The following GRTP1 variants were observed in gnomAD, a reference collection of about 807,000 sequenced individuals.
GRTP1 encodes growth hormone-regulated TBC protein 1.
In GRTP1, 56 loss-of-function variants were observed where a neutral mutation model predicts 38.1. The observed-to-expected ratio is 1.47, with a 90% confidence interval of 1.19 to 1.84. GRTP1 has a LOEUF of 1.84. Ranked by LOEUF, GRTP1 falls within the 40% of genes most tolerant of loss-of-function variation. The pLI is 0.00. For missense variants in GRTP1, 506 were observed against 453.9 expected (o/e 1.11, Z -1.04); for synonymous variants, 217 against 189.5 (o/e 1.14, Z -1.19).
chr13:113,346,049 AGC>A (rs1328354077), intron 4 of GRTP1, among the ~76,000 whole-genome samples: 9 of 82,122 alleles, frequency 1.1e-4, no homozygotes, highest in African/African-American at 3.2e-4. Flanking sequence ...TGTGGCCGAG[AGC>A]AGACCCGGGA....
At chr13:113,345,619 G>A (rs1326341924) in intron 4 of GRTP1, among the ~76,000 whole-genome samples, 2 of 152,216 alleles carry the variant, frequency 1.3e-5, no homozygotes, top group Non-Finnish European at 2.9e-5. Flanking sequence ...AGTAATAAGG[G>A]AAAAGAATCC....
At chr13:113,351,836 A>G (rs59416814) in intron 3 of GRTP1, 6,619 of 152,350 alleles carry the variant, frequency 0.043, 187 homozygotes, top group East Asian at 0.069. Flanking sequence ...GGTCACCAGC[A>G]GACAGCCGCT....
intron 2 of GRTP1, 24 bp downstream of exon 2, chr13:113,363,738 C>T: frequency 6.3e-7 from 1 of 1,597,968 alleles, no homozygotes; most frequent in Non-Finnish European, 8.5e-7. Context: ...GCCCTCGGGA[C>T]CCACCTGCGC....
chr13:113,354,103 CACAAA>C (rs934893424), intron 3 of GRTP1, among the ~76,000 whole-genome samples: 1 of 152,166 alleles, frequency 6.6e-6, no homozygotes. Context: ...TCCAAAAAAC[CACAAA>C]ACAGAGACTT....
At chr13:113,334,544 G>A (rs981831346) in intron 5 of GRTP1, among the ~76,000 whole-genome samples, 23 of 152,134 alleles carry the variant, frequency 1.5e-4, no homozygotes, top group Non-Finnish European at 3.1e-4. Flanking sequence ...CAATAAAGTT[G>A]TCCTAGGGTT....
chr13:113,338,280 G>C (rs1413704596), intron 5 of GRTP1, among the ~76,000 whole-genome samples: 2 of 152,198 alleles, frequency 1.3e-5, no homozygotes, highest in Non-Finnish European at 2.9e-5. Context: ...GGGTGTGGCA[G>C]GTGTTCTGGG....
chr13:113,352,326 T>TATATA (rs1491132131), intron 3 of GRTP1, among the ~76,000 whole-genome samples: 2 of 68,514 alleles, frequency 2.9e-5, no homozygotes, highest in African/African-American at 1.2e-4. Context: ...ATATATATTT[T>TATATA]TATATATATT....
chr13:113,349,966 A>G lies in GRTP1; in HGVS notation c.465+883T>C, dbSNP rs1366033927. Among the ~76,000 whole-genome samples the G allele has an allele frequency of 1.3e-5, 2 of 152,118 alleles. No individual in the cohort carries two copies. The highest frequency in any genetic ancestry group is 2.9e-5 in the Non-Finnish European group (2 of 68,016). ...CAACCCCTAGGAGCCCGTGAAGCACATGGCCTAAAATGCCAGGAACGCACT... is the reference window on the plus strand; with the variant it reads ...CAACCCCTAGGAGCCCGTGAAGCACGTGGCCTAAAATGCCAGGAACGCACT... On this transcript the variant is annotated intron_variant, in intron 4 of 7. Coordinates refer to ENST00000375431, the MANE Select transcript of GRTP1 (RefSeq NM_024719.4). This position sits in a 1 kb window ranked among gnomAD's most constrained non-coding sequence, Gnocchi z 5.0.
chr13:113,362,273 T>TAC (rs1281574133), intron 2 of GRTP1, among the ~76,000 whole-genome samples: 38 of 152,240 alleles, frequency 2.5e-4, no homozygotes, highest in African/African-American at 9.2e-4. Context: ...GAGGTTGCAG[T>TAC]CAGCTGAGAT....
At chr13:113,330,671 C>A (rs111947298) in intron 5 of GRTP1, among the ~76,000 whole-genome samples, 587 of 1,924 alleles carry the variant, frequency 0.31, 43 homozygotes, top group African/African-American at 0.41. Context: ...TGCATGGAAA[C>A]CCAGGTGTGT....
At chr13:113,357,486 T>TG (rs111692771) in intron 2 of GRTP1, among the ~76,000 whole-genome samples, 20,413 of 149,938 alleles carry the variant, frequency 0.14, 1,566 homozygotes, top group African/African-American at 0.18. Context: ...AAACCCTCTT[T>TG]CTGGTTTAGA....
Position 113,344,908 on chromosome 13 carries a change from C to T in GRTP1, c.517G>A (p.Glu173Lys). The T allele has an allele frequency of 3.1e-6, 5 of 1,603,960 alleles. No individual in the cohort carries two copies. The highest frequency in any genetic ancestry group is 2.2e-5 in the East Asian group (1 of 44,546). The change falls in exon 5 of 8, where the codon GAA becomes AAA. Residue 173 changes from glutamate (E) to lysine (K), a missense_variant. Physicochemically the swap from Glu to Lys is moderately conservative, Grantham distance 56 (BLOSUM62 1). Coordinates refer to ENST00000375431, the MANE Select transcript of GRTP1 (RefSeq NM_024719.4). ...YLILITNNEE[E>K]SFWLLDALVG... is the part of the protein sequence containing the mutation. ...AGAGCATCTAACAGCCAAAAAGATT[C>T]TTCTTCATTATTTGTTATAAGAATC...
intron 2 of GRTP1, among the ~76,000 whole-genome samples, chr13:113,356,395 G>A (rs902946929): frequency 6.6e-6 from 1 of 152,040 alleles, no homozygotes; most frequent in Admixed American, 6.6e-5. Context: ...AGCCTCCTGA[G>A]TAGCTGGGAT....
chr13:113,352,425 G>A (rs757496827), intron 3 of GRTP1, among the ~76,000 whole-genome samples: 32 of 124,188 alleles, frequency 2.6e-4, no homozygotes, highest in Non-Finnish European at 5.3e-4. Flanking sequence ...CCAGGCTGGA[G>A]TGCAGAGGTG....
At chr13:113,325,889 C>A (rs763418249) in intron 6 of GRTP1, 30 bp downstream of exon 6, 1 of 1,613,770 alleles carries the variant, frequency 6.2e-7, no homozygotes, top group African/African-American at 1.3e-5. Context: ...TGGCGGCCCG[C>A]CCGCCCCAGG....
At chr13:113,355,639 C>T in intron 2 of GRTP1, 158 bp from the exon 3 acceptor site, 1 of 843,148 alleles carries the variant, frequency 1.2e-6, no homozygotes, top group Non-Finnish European at 1.7e-6. Context: ...GGTACATATA[C>T]TCCTTTAAAA....
At position 113,325,686 on chromosome 13, in the gene GRTP1, A is replaced by G. The variant is rs759541391; in HGVS notation, c.896T>C (p.Val299Ala). 1.2e-6 allele frequency: 2 copies of G among 1,614,126 alleles called. No individual in the cohort carries two copies. The highest frequency in any genetic ancestry group is 1.7e-6 in the Non-Finnish European group (2 of 1,180,006). ...CTGCATAAACGTGTGACACTCCATC[A>G]CGAAACTCCCTTTGGTTATCTGCTT... Reference protein sequence around the residue: ...KFKQITKGSFVMECHTFMQKI... With the variant: ...KFKQITKGSFAMECHTFMQKI... The change falls in exon 7 of 8, where the codon GTG (valine) becomes GCG (alanine). Residue 299 changes from valine (V) to alanine (A), a missense_variant. Physicochemically the swap from Val to Ala is moderately conservative, Grantham distance 64. Transcript: ENST00000375431.
At chr13:113,332,422 C>T (rs922312898) in intron 5 of GRTP1, among the ~76,000 whole-genome samples, 16 of 151,992 alleles carry the variant, frequency 1.1e-4, no homozygotes, top group African/African-American at 3.9e-4. Context: ...TGCACACGCA[C>T]ACCACACAGG....
chr13:113,325,660 C>T lies in GRTP1; in HGVS notation c.921+1G>A, dbSNP rs1311959076. ...ACTGAGCCACGTGCAGCCCCACACA[C>T]CTGCATAAACGTGTGACACTCCATC... On this transcript the variant is annotated splice_donor_variant, in intron 7 of 7. Coordinates refer to ENST00000375431, the MANE Select transcript of GRTP1 (RefSeq NM_024719.4). LOFTEE classifies it high-confidence loss of function. 3.7e-6 allele frequency: 6 copies of T among 1,613,682 alleles called. No individual in the cohort carries two copies. Among genetic ancestry groups the T allele is most frequent in the Non-Finnish European group, 4.2e-6 (5 of 1,180,020 alleles).
Sources: gnomAD v4.1 joint callset for allele counts (sites outside exome capture counted in the v4.1 genomes callset) on GRCh38, gnomAD v4.1.1 for gene constraint, Gnocchi (gnomAD v3.1) non-coding constraint, MANE v1.5 for transcripts, NCBI Gene and HGNC (gene_info 2026-07-23, HGNC 2026-07-21) for gene names.